Variants in ELOVL6 observed in about 807,000 individuals in gnomAD.
ELOVL6 encodes ELOVL fatty acid elongase 6.
In ELOVL6, 8 loss-of-function variants were observed where a neutral mutation model predicts 31.7. That is an observed-to-expected ratio of 0.25 (90% confidence interval 0.15 to 0.45). The LOEUF is 0.45. Among genes scored for constraint, ELOVL6 ranks in the 20% least tolerant of loss-of-function variants. The pLI is 1.00. For missense variants in ELOVL6, 126 were observed against 326.4 expected, an observed-to-expected ratio of 0.39 and a Z score of 4.73; for synonymous variants, 101 against 117.7, an observed-to-expected ratio of 0.86 and a Z score of 0.92.
At chr4:110,104,551 A>T (rs1309300018) in intron 2 of ELOVL6, among the ~76,000 whole-genome samples, 2 of 152,242 alleles carry the variant, frequency 1.3e-5, no homozygotes, top group Non-Finnish European at 2.9e-5. Context: ...TAATGATAAC[A>T]TCCATTTCTG....
intron 1 of ELOVL6, among the ~76,000 whole-genome samples, chr4:110,185,330 G>C (rs993906792): frequency 6.6e-6 from 1 of 150,562 alleles, no homozygotes; most frequent in African/African-American, 2.4e-5. Flanking sequence ...TGTCATGTAT[G>C]TACAGTAGGA....
At chr4:110,198,911 G>C (rs913676230), upstream of ELOVL6, 1 of 152,482 alleles carries the variant, frequency 6.6e-6, no homozygotes, top group Non-Finnish European at 1.5e-5. Flanking sequence ...GTGGACCCGA[G>C]AGCTTGGCGA....
chr4:110,147,278 TAA>T (rs34418243), intron 1 of ELOVL6: 65,238 of 129,458 alleles, frequency 0.5, 16,206 homozygotes, highest in East Asian at 0.66. Flanking sequence ...CAATTAAAAG[TAA>T]AAAAAAAAAA....
intron 1 of ELOVL6, among the ~76,000 whole-genome samples, chr4:110,145,700 A>T (rs971343815): frequency 4.4e-3 from 72 of 16,534 alleles, no homozygotes; most frequent in Non-Finnish European, 3.0e-3. Flanking sequence ...GACTGTCTAA[A>T]AAAAAAAAAC....
intron 1 of ELOVL6, among the ~76,000 whole-genome samples, chr4:110,111,446 G>T (rs1001857): frequency 2.8e-5 from 4 of 144,798 alleles, no homozygotes; most frequent in Non-Finnish European, 3.0e-5. Flanking sequence ...TTTTTCTTCT[G>T]TTAGGTTTAA....
chr4:110,063,374 T>C (rs951812458), intron 2 of ELOVL6, among the ~76,000 whole-genome samples: 5 of 151,484 alleles, frequency 3.3e-5, no homozygotes, highest in African/African-American at 1.2e-4. Context: ...GTTGCTCTTT[T>C]GGAGCAGTCG....
chr4:110,123,828 A>G (rs1757419538), intron 1 of ELOVL6, among the ~76,000 whole-genome samples: 1 of 152,246 alleles, frequency 6.6e-6, no homozygotes, highest in African/African-American at 2.4e-5. Context: ...TATCTGGGCA[A>G]TAATTCTCCT....
chr4:110,133,897 G>T (rs140686778), intron 1 of ELOVL6, among the ~76,000 whole-genome samples: 72 of 152,254 alleles, frequency 4.7e-4, no homozygotes, highest in African/African-American at 1.6e-3. Context: ...CATCCAAAAT[G>T]ACAATTACCA....
intron 1 of ELOVL6, among the ~76,000 whole-genome samples, chr4:110,150,652 A>G (rs1349552698): frequency 6.6e-6 from 1 of 152,232 alleles, no homozygotes; most frequent in African/African-American, 2.4e-5. Flanking sequence ...GACATTATTT[A>G]AATGACTTTA....
At chr4:110,053,600 T>G (rs1288122563) in intron 3 of ELOVL6, among the ~76,000 whole-genome samples, 1 of 151,802 alleles carries the variant, frequency 6.6e-6, no homozygotes, top group Non-Finnish European at 1.5e-5. Flanking sequence ...AGGTCAGGAG[T>G]TCGAGACCAG....
rs556801086 is a variant in ELOVL6 at position 110,192,059 on chromosome 4, G to A, written c.89+6188C>T. Among the ~76,000 whole-genome samples the A allele has an allele frequency of 9.9e-5, 15 of 151,918 alleles. No homozygotes were observed. The East Asian group carries it at 1.9e-3, about 20-fold the overall frequency. On this transcript the variant is annotated intron_variant, in intron 1 of 3. Coordinates refer to ENST00000302274, the MANE Select transcript of ELOVL6 (RefSeq NM_024090.3). The stretch of plus-strand genomic sequence containing the variant: ...AAAAAAATCAGCCGGGTGTAGTGGC[G>A]CATGCCTGTAAACCCAGCTACTCAG...
intron 1 of ELOVL6, among the ~76,000 whole-genome samples, chr4:110,119,135 A>T (rs1311432650): frequency 6.6e-6 from 1 of 152,188 alleles, no homozygotes; most frequent in Non-Finnish European, 1.5e-5. Context: ...GAATTGTAAT[A>T]AAATAGGTGG....
chr4:110,182,624 G>A (rs935791986), intron 1 of ELOVL6, among the ~76,000 whole-genome samples: 3 of 152,070 alleles, frequency 2.0e-5, no homozygotes, highest in African/African-American at 7.2e-5. Flanking sequence ...ACTGGAACAG[G>A]GAGGCCGGGC....
At chr4:110,183,687 C>G (rs1266093599) in intron 1 of ELOVL6, among the ~76,000 whole-genome samples, 1 of 151,942 alleles carries the variant, frequency 6.6e-6, no homozygotes, top group Non-Finnish European at 1.5e-5. Flanking sequence ...ACCCTTCCTT[C>G]TACTTTAGAG....
At chr4:110,187,324 T>C (rs937520125) in intron 1 of ELOVL6, among the ~76,000 whole-genome samples, 1 of 151,772 alleles carries the variant, frequency 6.6e-6, no homozygotes, top group Admixed American at 6.6e-5. Flanking sequence ...CATTTTTGAC[T>C]GGACATGAAG....
intron 1 of ELOVL6, among the ~76,000 whole-genome samples, chr4:110,158,657 A>ATATATATATATATATATATTTTTT: frequency 1.3e-5 from 1 of 74,162 alleles, no homozygotes; most frequent in Non-Finnish European, 2.3e-5. Flanking sequence ...ATATATATAT[A>ATATATATATATATATATATTTTTT]TTTTTTTTTT....
chr4:110,180,850 T>G (rs1759251371), intron 1 of ELOVL6, among the ~76,000 whole-genome samples: 1 of 152,194 alleles, frequency 6.6e-6, no homozygotes, highest in African/African-American at 2.4e-5. Context: ...AAAACTATAT[T>G]CCAAGGCCAT....
At chr4:110,138,565 A>G (rs908145305) in intron 1 of ELOVL6, among the ~76,000 whole-genome samples, 2 of 152,206 alleles carry the variant, frequency 1.3e-5, no homozygotes, top group Non-Finnish European at 2.9e-5. Context: ...CTCCCTAAAG[A>G]CATGGGAATA....
chr4:110,069,278 A>G lies in ELOVL6; in HGVS notation c.222-9524T>C, dbSNP rs988754923. The stretch of plus-strand genomic sequence containing the variant: ...TGAGATTCTGATGAAGATATCACAC[A>G]CTATTTTGTAAAAACAAGCAGGATT... On this transcript the variant is annotated intron_variant, in intron 2 of 3. Transcript: ENST00000302274. Among the ~76,000 whole-genome samples, 4 of 151,882 alleles carry G rather than the reference A, an allele frequency of 2.6e-5. No individual in the cohort carries two copies. In the South Asian group the frequency reaches 8.3e-4, roughly 32 times the overall value.
Sources: allele counts gnomAD v4.1 joint callset (sites outside exome capture counted in the v4.1 genomes callset), GRCh38; gene constraint gnomAD v4.1.1; transcripts MANE v1.5; gene names NCBI Gene and HGNC (gene_info 2026-07-23, HGNC 2026-07-21).